FSTL4: variants seen among roughly 807,000 people sequenced by gnomAD.
The protein encoded by FSTL4 is follistatin-related protein 4.
Under a neutral mutation model 78.2 loss-of-function variants are expected in FSTL4, and 28 were observed. The observed-to-expected ratio is 0.36, with a 90% confidence interval of 0.27 to 0.49. FSTL4 has a LOEUF of 0.49. Ranked by LOEUF, FSTL4 falls within the 20% of genes least tolerant of loss-of-function variation. The pLI, the probability that FSTL4 is intolerant of heterozygous loss-of-function variation, is 0.98. For synonymous variants in FSTL4, 422 were observed against 440.5 expected (o/e 0.96, Z 0.53); for missense variants, 922 against 1,084.9 (o/e 0.85, Z 2.11).
chr5:133,314,372 G>A (rs1009613674), intron 5 of FSTL4, among the ~76,000 whole-genome samples: 20 of 152,370 alleles, frequency 1.3e-4, no homozygotes, highest in African/African-American at 4.8e-4. Context: ...CTCCTGGGAT[G>A]CAGGCCTTGA....
chr5:133,654,231 C>T, the FSTL4 span, among the ~76,000 whole-genome samples: 2 of 152,226 alleles, frequency 1.3e-5, no homozygotes, highest in South Asian at 4.1e-4. Context: ...TCATCGCAGC[C>T]ACCATTTACT....
intron 3 of FSTL4, among the ~76,000 whole-genome samples, chr5:133,557,652 C>G (rs760676410): frequency 2.0e-5 from 3 of 152,176 alleles, no homozygotes; most frequent in Non-Finnish European, 4.4e-5. Flanking sequence ...TCCACTGGAC[C>G]TGGAGCTGTG....
the FSTL4 span, among the ~76,000 whole-genome samples, chr5:133,761,576 C>A: frequency 1.3e-5 from 2 of 152,218 alleles, no homozygotes; most frequent in Non-Finnish European, 2.9e-5. Flanking sequence ...AGAACATGCA[C>A]AGCCTTAAAT....
chr5:133,204,363 A>C (rs903098187), intron 14 of FSTL4, among the ~76,000 whole-genome samples: 26 of 152,192 alleles, frequency 1.7e-4, no homozygotes, highest in African/African-American at 6.3e-4. Context: ...TCAGTGTTGG[A>C]TATTTAGAAA....
At chr5:133,270,951 C>T (rs933334382) in intron 6 of FSTL4, among the ~76,000 whole-genome samples, 1 of 152,184 alleles carries the variant, frequency 6.6e-6, no homozygotes, top group African/African-American at 2.4e-5. Context: ...AAAACTTTAC[C>T]TCCATCCTTG....
chr5:133,540,956 G>A (rs1759458918), intron 3 of FSTL4, among the ~76,000 whole-genome samples: 1 of 152,030 alleles, frequency 6.6e-6, no homozygotes, highest in Non-Finnish European at 1.5e-5. Context: ...AGTGCCCACT[G>A]AGAGCCTCCT....
the FSTL4 span, among the ~76,000 whole-genome samples, chr5:133,653,417 A>G: frequency 6.6e-6 from 1 of 152,146 alleles, no homozygotes; most frequent in Admixed American, 6.5e-5. Flanking sequence ...CTGGGTCACA[A>G]AGAGGCGCCC....
chr5:133,471,272 G>T (rs1375706595), intron 3 of FSTL4, among the ~76,000 whole-genome samples: 3 of 152,080 alleles, frequency 2.0e-5, no homozygotes, highest in African/African-American at 7.2e-5. Context: ...GCCCTGTTTT[G>T]TGCCAGGCAT....
the FSTL4 span, among the ~76,000 whole-genome samples, chr5:133,791,199 A>G: frequency 6.6e-6 from 1 of 151,562 alleles, no homozygotes; most frequent in African/African-American, 2.4e-5. Flanking sequence ...AGCCTTCTCA[A>G]ATTACTCAAA....
chr5:133,293,102 C>A (rs985056629), intron 6 of FSTL4, among the ~76,000 whole-genome samples: 3 of 152,252 alleles, frequency 2.0e-5, no homozygotes, highest in Non-Finnish European at 4.4e-5. Context: ...CACTCCATCT[C>A]CACAGGGCCT....
At chr5:133,402,969 C>T (rs1161845523) in intron 3 of FSTL4, among the ~76,000 whole-genome samples, 1 of 152,208 alleles carries the variant, frequency 6.6e-6, no homozygotes, top group East Asian at 1.9e-4. Flanking sequence ...AGGCGCCTGG[C>T]AGGGAGGCTC....
chr5:133,827,010 G>T, the FSTL4 span, among the ~76,000 whole-genome samples: 1 of 152,246 alleles, frequency 6.6e-6, no homozygotes, highest in Non-Finnish European at 1.5e-5. Context: ...GGCACGCCCA[G>T]TGACAGTCCC....
the FSTL4 span, among the ~76,000 whole-genome samples, chr5:133,830,425 G>A: frequency 2.9e-3 from 448 of 152,258 alleles, 4 homozygotes; most frequent in African/African-American, 0.01. Flanking sequence ...TGGAGGAAGT[G>A]GGGGGCCACC....
intron 3 of FSTL4, among the ~76,000 whole-genome samples, chr5:133,411,047 A>G (rs889210424): frequency 6.6e-5 from 10 of 152,174 alleles, no homozygotes; most frequent in Non-Finnish European, 1.3e-4. Context: ...CCCTGAGTAC[A>G]GAAGAGCATG....
chr5:133,677,009 C>G, the FSTL4 span, among the ~76,000 whole-genome samples: 2 of 152,154 alleles, frequency 1.3e-5, no homozygotes, highest in Non-Finnish European at 2.9e-5. Flanking sequence ...TTTTAAGAAC[C>G]CTTCCCCGGA....
At chr5:133,446,660 G>A (rs898699233) in intron 3 of FSTL4, among the ~76,000 whole-genome samples, 10 of 152,208 alleles carry the variant, frequency 6.6e-5, no homozygotes, top group Non-Finnish European at 1.2e-4. Context: ...ATCAGGAGCC[G>A]GTCCTCTTTC....
At chr5:133,397,135 A>G (rs1291849435) in intron 4 of FSTL4, among the ~76,000 whole-genome samples, 1 of 152,244 alleles carries the variant, frequency 6.6e-6, no homozygotes, top group Non-Finnish European at 1.5e-5. Flanking sequence ...GTAGGAGATA[A>G]AGCGTGAATT....
intron 3 of FSTL4, among the ~76,000 whole-genome samples, chr5:133,524,414 GCCTCTGGC>G (rs1759047469): frequency 3.3e-5 from 5 of 152,192 alleles, no homozygotes; most frequent in Admixed American, 6.5e-5. Flanking sequence ...CAGAGTCACA[GCCTCTGGC>G]AATGCAAGAA....
At chr5:133,716,740 T>C in the FSTL4 span, among the ~76,000 whole-genome samples, 6 of 152,322 alleles carry the variant, frequency 3.9e-5, no homozygotes, top group South Asian at 1.2e-3. Flanking sequence ...CCAGGTACAT[T>C]AGGCATCGGG....
Sources: gnomAD v4.1 joint callset for allele counts (sites outside exome capture counted in the v4.1 genomes callset) on GRCh38, gnomAD v4.1.1 for gene constraint, MANE v1.5 for transcripts, NCBI Gene and HGNC (gene_info 2026-07-23, HGNC 2026-07-21) for gene names.